Variants in TNFAIP8 observed in about 807,000 individuals in gnomAD.
TNFAIP8 encodes the protein tumor necrosis factor alpha-induced protein 8.
Under a neutral mutation model 13.3 loss-of-function variants are expected in TNFAIP8, and 7 were observed. The observed-to-expected ratio is 0.52, with a 90% CI of 0.30 to 0.99. The LOEUF is 0.99. TNFAIP8 is among the 50% of genes least tolerant of loss of function. The pLI, the probability that TNFAIP8 is intolerant of heterozygous loss-of-function variation, is 0.07. For missense variants in TNFAIP8, 258 were observed against 236.9 expected (o/e 1.09, Z -0.58); for synonymous variants, 94 against 87.6 (o/e 1.07, Z -0.41).
chr5:119,361,397 T>C (rs1020280189), intron 1 of TNFAIP8, among the ~76,000 whole-genome samples: 1 of 152,162 alleles, frequency 6.6e-6, no homozygotes, highest in African/African-American at 2.4e-5. Context: ...TGGGAATCTG[T>C]AAGATTGAGT....
chr5:119,309,942 G>A (rs1471702383), intron 1 of TNFAIP8, among the ~76,000 whole-genome samples: 1 of 152,188 alleles, frequency 6.6e-6, no homozygotes, highest in East Asian at 1.9e-4. Context: ...CACTGAAAAT[G>A]GGAAGAAATA....
chr5:119,314,770 T>G (rs760267579), intron 1 of TNFAIP8, among the ~76,000 whole-genome samples: 2 of 152,252 alleles, frequency 1.3e-5, no homozygotes, highest in African/African-American at 4.8e-5. Context: ...TTACTTTATC[T>G]ATAAAATGAG....
intron 1 of TNFAIP8, among the ~76,000 whole-genome samples, chr5:119,318,820 T>A (rs1749974327): frequency 6.6e-6 from 1 of 152,156 alleles, no homozygotes; most frequent in Admixed American, 6.5e-5. Context: ...TTTGCATTAA[T>A]TACTATACTG....
At chr5:119,372,258 A>T (rs7703408) in intron 1 of TNFAIP8, among the ~76,000 whole-genome samples, 29,019 of 147,576 alleles carry the variant, frequency 0.2, 2,981 homozygotes, top group Non-Finnish European at 0.22. Context: ...TGGAAGGTGG[A>T]GGTTGTGGTG....
intron 1 of TNFAIP8, among the ~76,000 whole-genome samples, chr5:119,295,807 T>G (rs1051316828): frequency 2.2e-4 from 33 of 152,184 alleles, no homozygotes; most frequent in Middle Eastern, 6.8e-3. Context: ...TTATTTCATT[T>G]AGCAGTGGTT....
intron 1 of TNFAIP8, among the ~76,000 whole-genome samples, chr5:119,330,150 G>A (rs1413680322): frequency 3.3e-5 from 5 of 152,126 alleles, no homozygotes; most frequent in Non-Finnish European, 7.4e-5. Context: ...CATACGAGGA[G>A]GGTACAGAGA....
intron 1 of TNFAIP8, chr5:119,316,251 C>G (rs1054826477): frequency 6.6e-6 from 1 of 151,624 alleles, no homozygotes; most frequent in Non-Finnish European, 1.5e-5. Flanking sequence ...CCTCTAACTC[C>G]TGGGCTCAAG....
chr5:119,370,132 T>G lies in TNFAIP8; in HGVS notation c.31+14011T>G, dbSNP rs115224471. On this transcript the variant is annotated intron_variant, in intron 1 of 1. Transcript: ENST00000504771. Reference sequence around the variant, plus strand: ...TTTTTAAATGGATTTTTGTTTATTTTGCCACAGAAGCAGCTCTCTGTTTTA... The same window carrying G: ...TTTTTAAATGGATTTTTGTTTATTTGGCCACAGAAGCAGCTCTCTGTTTTA... Among the ~76,000 whole-genome samples the G allele has an allele frequency of 7.8e-3, 1,187 of 152,340 alleles. 23 individuals are homozygous for G. Among genetic ancestry groups the G allele is most frequent in the African/African-American group, 0.027 (1,128 of 41,554 alleles).
At chr5:119,295,652 TC>T (rs1749153767) in intron 1 of TNFAIP8, among the ~76,000 whole-genome samples, 1 of 152,142 alleles carries the variant, frequency 6.6e-6, no homozygotes, top group Non-Finnish European at 1.5e-5. Context: ...AGTAGTTTTT[TC>T]CAATTCTGTG....
At chr5:119,281,306 A>ACAGACACACACACACACACACACTCTCT in intron 1 of TNFAIP8, among the ~76,000 whole-genome samples, 1 of 114,134 alleles carries the variant, frequency 8.8e-6, no homozygotes, top group Admixed American at 9.4e-5. Context: ...ACACACACAC[A>ACAGACACACACACACACACACACTCTCT]CTCTCTCTCT....
intron 1 of TNFAIP8, among the ~76,000 whole-genome samples, chr5:119,308,520 A>G (rs1195469096): frequency 6.6e-6 from 1 of 151,662 alleles, no homozygotes; most frequent in African/African-American, 2.4e-5. Context: ...GGTCTTAAAC[A>G]GTTGGCACTT....
chr5:119,268,935 C>G (rs774513673), intron 1 of TNFAIP8: 12 of 696,958 alleles, frequency 1.7e-5, no homozygotes, highest in Admixed American at 8.1e-5. Flanking sequence ...GCGCCCGTCC[C>G]GCGCACACTC....
intron 1 of TNFAIP8, among the ~76,000 whole-genome samples, chr5:119,382,743 G>A (rs111350331): frequency 0.013 from 2,039 of 152,242 alleles, 50 homozygotes; most frequent in African/African-American, 0.046. Context: ...CAGTAGCAGG[G>A]CAAGGCCCCT....
At chr5:119,363,524 C>T (rs1311361382) in intron 1 of TNFAIP8, among the ~76,000 whole-genome samples, 5 of 152,204 alleles carry the variant, frequency 3.3e-5, no homozygotes, top group Admixed American at 6.5e-5. Flanking sequence ...CATTTGCCTA[C>T]AGGCCTCTTC....
At chr5:119,346,463 T>C (rs1357548449) in intron 1 of TNFAIP8, among the ~76,000 whole-genome samples, 1 of 152,162 alleles carries the variant, frequency 6.6e-6, no homozygotes, top group Non-Finnish European at 1.5e-5. Context: ...AGAAAAAATA[T>C]GTAAAGGTCC....
chr5:119,359,375 G>C (rs151152689), intron 1 of TNFAIP8, among the ~76,000 whole-genome samples: 2 of 152,080 alleles, frequency 1.3e-5, no homozygotes, highest in African/African-American at 2.4e-5. Flanking sequence ...CAGAGCACCT[G>C]TTCCTTTCCT....
At chr5:119,372,213 A>C (rs1234705295) in intron 1 of TNFAIP8, among the ~76,000 whole-genome samples, 2 of 151,500 alleles carry the variant, frequency 1.3e-5, no homozygotes, top group African/African-American at 2.4e-5. Context: ...CTGTAGTACT[A>C]GCTACTCAGA....
intron 1 of TNFAIP8, among the ~76,000 whole-genome samples, chr5:119,316,539 T>G (rs1294195052): frequency 6.6e-6 from 1 of 152,164 alleles, no homozygotes; most frequent in Non-Finnish European, 1.5e-5. Context: ...AGAGATACAA[T>G]GCATTTTTGA....
intron 1 of TNFAIP8, among the ~76,000 whole-genome samples, chr5:119,288,497 A>G (rs1295202501): frequency 6.6e-6 from 1 of 152,252 alleles, no homozygotes; most frequent in Non-Finnish European, 1.5e-5. Flanking sequence ...AGCCACTGGA[A>G]AAAAGTTTTC....
Sources: allele counts gnomAD v4.1 joint callset (sites outside exome capture counted in the v4.1 genomes callset), GRCh38; gene constraint gnomAD v4.1.1; transcripts MANE v1.5; gene names NCBI Gene and HGNC (gene_info 2026-07-23, HGNC 2026-07-21).